WDPCP: variants seen among roughly 807,000 people sequenced by gnomAD.
The protein encoded by WDPCP is WD repeat containing planar cell polarity effector.
In WDPCP, 71 loss-of-function variants were observed where a neutral mutation model predicts 93.1. That is an observed-to-expected ratio of 0.76 (90% CI 0.63 to 0.93). The LOEUF (loss-of-function observed/expected upper bound fraction) is 0.93. Ranked by LOEUF, WDPCP falls within the 40% of genes least tolerant of loss-of-function variation. The probability of loss-of-function intolerance (pLI) is 0.00; values close to 1 mark genes in which losing one functional copy is unlikely to be tolerated. For synonymous variants in WDPCP, 315 were observed against 315.0 expected (o/e 1.00, Z 0.00); for missense variants, 844 against 887.4 (o/e 0.95, Z 0.62).
At chr2:63,721,797 C>G (rs1184182291) in intron 2 of WDPCP, among the ~76,000 whole-genome samples, 1 of 151,398 alleles carries the variant, frequency 6.6e-6, no homozygotes, top group Non-Finnish European at 1.5e-5. Flanking sequence ...TGAGCCGAAG[C>G]TGGACTGTAC....
chr2:63,377,819 T>C (rs1232407125), intron 12 of WDPCP: 1 of 153,694 alleles, frequency 6.5e-6, no homozygotes, highest in Non-Finnish European at 1.4e-5. Flanking sequence ...ATACATGCTA[T>C]TGTATTTTTC....
At chr2:63,387,429 C>T (rs1486945345) in intron 10 of WDPCP, among the ~76,000 whole-genome samples, 1 of 151,838 alleles carries the variant, frequency 6.6e-6, no homozygotes, top group African/African-American at 2.4e-5. Context: ...TAAAATCCAA[C>T]ATCGCTTCAT....
intron 14 of WDPCP, among the ~76,000 whole-genome samples, chr2:63,185,409 C>T (rs1489288533): frequency 1.3e-5 from 2 of 151,916 alleles, no homozygotes; most frequent in Non-Finnish European, 2.9e-5. Context: ...TCTCCCCCAC[C>T]CCCAAATCCT....
At chr2:63,813,048 T>C (rs1021676651) in intron 2 of WDPCP, among the ~76,000 whole-genome samples, 1 of 151,310 alleles carries the variant, frequency 6.6e-6, no homozygotes, top group Admixed American at 6.6e-5. Context: ...AGATATGAGG[T>C]CTCACTACGT....
intron 2 of WDPCP, among the ~76,000 whole-genome samples, chr2:63,695,743 A>G (rs1449068503): frequency 2.0e-5 from 3 of 152,186 alleles, no homozygotes; most frequent in Non-Finnish European, 4.4e-5. Flanking sequence ...GTCAAAACCC[A>G]AAATGTTATC....
At chr2:63,819,600 T>A (rs1185916366) in intron 1 of WDPCP, among the ~76,000 whole-genome samples, 1 of 152,196 alleles carries the variant, frequency 6.6e-6, no homozygotes, top group African/African-American at 2.4e-5. Context: ...CAGTAAGACA[T>A]GAGAATTTGC....
At chr2:63,444,242 T>A (rs976258181) in intron 6 of WDPCP, among the ~76,000 whole-genome samples, 12 of 152,168 alleles carry the variant, frequency 7.9e-5, no homozygotes, top group Non-Finnish European at 4.4e-5. Flanking sequence ...CATTTCATAT[T>A]TCCAAATGTC....
intron 12 of WDPCP, among the ~76,000 whole-genome samples, chr2:63,364,098 T>C (rs1690702491): frequency 6.6e-6 from 1 of 152,226 alleles, no homozygotes. Context: ...TCTATGGTTG[T>C]TTAGCATTAG....
At chr2:63,608,891 ACT>A (rs1186183887) in intron 3 of WDPCP, among the ~76,000 whole-genome samples, 2 of 152,226 alleles carry the variant, frequency 1.3e-5, no homozygotes, top group Non-Finnish European at 2.9e-5. Context: ...CTTTAGGACT[ACT>A]ATTAATCGGA....
rs1705465366 is a variant in WDPCP at position 63,550,035 on chromosome 2, A to G, written c.75+38162T>C. 2.0e-5 allele frequency among the ~76,000 whole-genome samples: 3 copies of G among 150,384 alleles called. No homozygotes were observed. The South Asian group carries it at 6.4e-4, about 32-fold the overall frequency. On this transcript the variant is annotated intron_variant, in intron 1 of 17. Transcript: ENST00000272321. Reference sequence around the variant, plus strand: ...AACTTCCTTCCGCTCTGTCTTAAACATCTTCAAATGCATCAACCAATGCTT... The same window carrying G: ...AACTTCCTTCCGCTCTGTCTTAAACGTCTTCAAATGCATCAACCAATGCTT...
rs575579748 is a variant in WDPCP, at chr2:63,627,045, T to G, written n.488+23614A>C. The stretch of plus-strand genomic sequence containing the variant: ...AACAACAACAAAATCCAAGAATTAG[T>G]TGAATGACACATTTGGTGACTACTT... On this transcript the variant is annotated intron_variant and non_coding_transcript_variant, in intron 3 of 4. Coordinates refer to the WDPCP transcript ENST00000467687. 2.6e-5 allele frequency among the ~76,000 whole-genome samples: 4 copies of G among 152,228 alleles called. No homozygotes were observed. The South Asian group carries it at 8.3e-4, about 32-fold the overall frequency.
intron 12 of WDPCP, among the ~76,000 whole-genome samples, chr2:63,370,382 G>C (rs1234268479): frequency 6.6e-6 from 1 of 152,074 alleles, no homozygotes; most frequent in Non-Finnish European, 1.5e-5. Context: ...CCAAGGGTCT[G>C]TTCAGATGTG....
chr2:63,572,029 G>A (rs1707544801), intron 1 of WDPCP, among the ~76,000 whole-genome samples: 3 of 152,240 alleles, frequency 2.0e-5, no homozygotes. Flanking sequence ...GAAAATTACT[G>A]CAAAGAAATC....
intron 12 of WDPCP, among the ~76,000 whole-genome samples, chr2:63,342,881 A>G (rs1350285074): frequency 6.6e-6 from 1 of 152,130 alleles, no homozygotes; most frequent in Non-Finnish European, 1.5e-5. Context: ...TTCAGTCTGA[A>G]GAACTCCTTT....
At chr2:63,259,182 TA>T in intron 14 of WDPCP, 124 bp downstream of exon 14, 1 of 799,144 alleles carries the variant, frequency 1.3e-6, no homozygotes. Context: ...TTCTTCTTTT[TA>T]TAAGGCACTG....
chr2:63,595,503 C>A (rs1166652297), intron 3 of WDPCP: 1 of 1,608,232 alleles, frequency 6.2e-7, no homozygotes, highest in African/African-American at 1.3e-5. Context: ...AAGACTGTGC[C>A]CTTCCCCTCC....
intron 1 of WDPCP, among the ~76,000 whole-genome samples, chr2:63,583,395 G>T (rs968938050): frequency 2.6e-5 from 4 of 152,114 alleles, no homozygotes; most frequent in African/African-American, 9.7e-5. Flanking sequence ...TTGAAATTTT[G>T]AAAACCTGGC....
At chr2:63,481,165 A>G (rs1291308205) in intron 6 of WDPCP, among the ~76,000 whole-genome samples, 1 of 152,178 alleles carries the variant, frequency 6.6e-6, no homozygotes, top group East Asian at 1.9e-4. Context: ...TGATCAGGGA[A>G]ATGCAAATCA....
intron 1 of WDPCP, among the ~76,000 whole-genome samples, chr2:63,548,748 G>T (rs574288192): frequency 1.3e-5 from 2 of 151,696 alleles, no homozygotes; most frequent in Non-Finnish European, 2.9e-5. Context: ...TCCAGCCTCA[G>T]CATCCTGAGT....
Sources: gnomAD v4.1 joint callset for allele counts (sites outside exome capture counted in the v4.1 genomes callset) on GRCh38, gnomAD v4.1.1 for gene constraint, MANE v1.5 for transcripts, NCBI Gene and HGNC (gene_info 2026-07-23, HGNC 2026-07-21) for gene names.